The following SCARB2 variants were observed in gnomAD, a reference collection of about 807,000 sequenced individuals.
SCARB2 encodes the protein lysosome membrane protein 2.
SCARB2 carries 29 observed loss-of-function variants against 58.6 expected under a neutral mutation model. The ratio of observed to expected loss-of-function variants is 0.49; its 90% CI spans 0.37 to 0.67. SCARB2 has a LOEUF of 0.67. Ranked by LOEUF, SCARB2 falls within the 30% of genes least tolerant of loss-of-function variation. The pLI is 0.00. For synonymous variants in SCARB2, 195 were observed against 210.1 expected (o/e 0.93, Z 0.62); for missense variants, 488 against 578.5 (o/e 0.84, Z 1.60).
At chr4:76,209,710 T>C (rs1389042712) in intron 1 of SCARB2, among the ~76,000 whole-genome samples, 1 of 152,230 alleles carries the variant, frequency 6.6e-6, no homozygotes, top group Admixed American at 6.5e-5. Context: ...CTCCAGAGTT[T>C]CTATGGCTCC....
chr4:76,191,574 A>G (rs574373599), intron 2 of SCARB2, among the ~76,000 whole-genome samples: 1 of 152,140 alleles, frequency 6.6e-6, no homozygotes, highest in African/African-American at 2.4e-5. Context: ...CACCATGATT[A>G]TAAGTTTCCT....
intron 11 of SCARB2, chr4:76,162,863 C>A: frequency 2.3e-6 from 1 of 440,914 alleles, no homozygotes; most frequent in Non-Finnish European, 4.1e-6. Context: ...TGTTAAGTGG[C>A]AGAACTGGGA....
chr4:76,226,642 G>A (rs2136054), intron 1 of SCARB2, among the ~76,000 whole-genome samples: 138,425 of 152,194 alleles, frequency 0.91, 64,338 homozygotes, highest in East Asian at 1. Context: ...ACTCTTCTAC[G>A]TTATGTCAGA....
At chr4:76,194,691 G>C (rs1467583099) in intron 2 of SCARB2, 1 of 152,162 alleles carries the variant, frequency 6.6e-6, no homozygotes, top group African/African-American at 2.4e-5. Context: ...CTTGTTGTCT[G>C]CTTCCTCTAT....
At chr4:76,172,395 A>G (rs1249420726) in intron 7 of SCARB2, among the ~76,000 whole-genome samples, 6 of 151,852 alleles carry the variant, frequency 4.0e-5, no homozygotes. Flanking sequence ...ATCTGGAACT[A>G]TAGGTGTATG....
intron 2 of SCARB2, among the ~76,000 whole-genome samples, chr4:76,187,336 T>G (rs934476903): frequency 1.3e-5 from 2 of 152,094 alleles, no homozygotes; most frequent in African/African-American, 2.4e-5. Flanking sequence ...CAGAGTGCCA[T>G]GAACACTCCA....
chr4:76,185,530 T>C (rs914656580), intron 2 of SCARB2, among the ~76,000 whole-genome samples: 9 of 152,238 alleles, frequency 5.9e-5, no homozygotes, highest in African/African-American at 2.2e-4. Context: ...GGTTCAGTTA[T>C]GCTCCATGAA....
At chr4:76,219,838 A>G (rs190749777) in intron 1 of SCARB2, among the ~76,000 whole-genome samples, 10 of 152,276 alleles carry the variant, frequency 6.6e-5, no homozygotes, top group African/African-American at 2.4e-4. Flanking sequence ...TGCACTCACC[A>G]CATATCCTGA....
At chr4:76,165,422 C>T (rs1287163989) in intron 10 of SCARB2, 1 of 152,086 alleles carries the variant, frequency 6.6e-6, no homozygotes, top group African/African-American at 2.4e-5. Flanking sequence ...CTGAACTGCA[C>T]CTGCCTCTGA....
rs1278280075 is a variant in SCARB2 at position 76,168,471 on chromosome 4, A to C, written c.1119T>G (p.Thr373=). The C allele has an allele frequency of 6.2e-7, 1 of 1,613,574 alleles. No homozygotes were observed. Among genetic ancestry groups the C allele is most frequent in the Non-Finnish European group, 8.5e-7 (1 of 1,179,658 alleles). Residue 373 remains threonine (T), a synonymous_variant, in exon 9 of 12, where the codon ACT becomes ACG. Coordinates refer to ENST00000264896, the MANE Select transcript of SCARB2 (RefSeq NM_005506.4). ...TCTTGGCTGCTTTTAGGATTATTCC[A>C]GTCAACTGCAAATCAGAGAAGTGAA... ...HETFVDINPL[T]GIILKAAKRF... is the part of the protein sequence containing the mutation.
intron 1 of SCARB2, among the ~76,000 whole-genome samples, chr4:76,224,732 T>G (rs1733365497): frequency 6.6e-6 from 1 of 152,048 alleles, no homozygotes; most frequent in Non-Finnish European, 1.5e-5. Flanking sequence ...CCAGCTAATT[T>G]TTGTTATTTT....
intron 3 of SCARB2, chr4:76,180,691 C>A: frequency 4.3e-6 from 1 of 230,858 alleles, no homozygotes. Flanking sequence ...TGCACAATTG[C>A]TAATCCTGAA....
chr4:76,233,704 T>A (rs1288734897), intron 1 of SCARB2, among the ~76,000 whole-genome samples: 1 of 151,870 alleles, frequency 6.6e-6, no homozygotes, highest in African/African-American at 2.4e-5. Context: ...TAGGAAAACA[T>A]CCAGATACCA....
rs535117421 is a variant in SCARB2 at position 76,187,687 on chromosome 4, A to C, written c.276-6586T>G. ...CTCATCCATGGAAAAATGGCCAAGA[A>C]GATATCCACTAAAATGTTAGTTAGC... On this transcript the variant is annotated intron_variant, in intron 2 of 11. Coordinates refer to ENST00000264896, the MANE Select transcript of SCARB2 (RefSeq NM_005506.4). 5.9e-5 allele frequency among the ~76,000 whole-genome samples: 9 copies of C among 152,316 alleles called. No individual in the cohort carries two copies. In the East Asian group the frequency reaches 1.7e-3, roughly 29 times the overall value.
chr4:76,198,328 G>A (rs1732756147), intron 1 of SCARB2, among the ~76,000 whole-genome samples: 1 of 152,162 alleles, frequency 6.6e-6, no homozygotes, highest in African/African-American at 2.4e-5. Flanking sequence ...TTATCTTGCT[G>A]GGCTGGCATC....
intron 1 of SCARB2, among the ~76,000 whole-genome samples, chr4:76,231,982 C>T (rs1351436124): frequency 1.3e-5 from 2 of 152,268 alleles, no homozygotes; most frequent in East Asian, 3.9e-4. Flanking sequence ...CCAATTGTGT[C>T]CCGTTGCAAG....
At chr4:76,179,453 G>T in intron 4 of SCARB2, 64 bp downstream of exon 4, 1 of 1,140,428 alleles carries the variant, frequency 8.8e-7, no homozygotes, top group Non-Finnish European at 1.3e-6. Context: ...AGTTAATCTG[G>T]CTTGGGGTGC....
intron 2 of SCARB2, chr4:76,193,525 A>C (rs1732647240): frequency 6.6e-6 from 1 of 152,266 alleles, no homozygotes; most frequent in African/African-American, 2.4e-5. Flanking sequence ...AGGCCTTGGG[A>C]GCCCACCCCT....
chr4:76,234,450 G>A (rs1270824734), exon 1 of SCARB2: 2 of 152,206 alleles, frequency 1.3e-5, no homozygotes, highest in Non-Finnish European at 2.9e-5. Flanking sequence ...GGGTGAAAAG[G>A]AAGAAAAGGA....
Sources: allele counts gnomAD v4.1 joint callset (sites outside exome capture counted in the v4.1 genomes callset), GRCh38; gene constraint gnomAD v4.1.1; transcripts MANE v1.5; gene names NCBI Gene and HGNC (gene_info 2026-07-23, HGNC 2026-07-21).